ERP44: variants seen among roughly 807,000 people sequenced by gnomAD.
The protein encoded by ERP44 is endoplasmic reticulum resident protein 44.
In ERP44, 25 loss-of-function variants were observed where a neutral mutation model predicts 53.4. That is an observed-to-expected ratio of 0.47 (90% CI 0.34 to 0.65). ERP44 has a LOEUF of 0.65. Among genes scored for constraint, ERP44 ranks in the 30% least tolerant of loss-of-function variants. The pLI, the probability that ERP44 is intolerant of heterozygous loss-of-function variation, is 0.01. For synonymous variants in ERP44, 145 were observed against 161.2 expected (o/e 0.90, Z 0.76); for missense variants, 338 against 493.2 (o/e 0.69, Z 2.98).
chr9:100,015,040 CTT>C (rs1412787584), intron 8 of ERP44, among the ~76,000 whole-genome samples: 3 of 152,118 alleles, frequency 2.0e-5, no homozygotes, highest in African/African-American at 7.2e-5. Context: ...TCTGAGGTCT[CTT>C]TTATGAGTTC....
At chr9:99,984,314 T>C (rs947677107) in intron 11 of ERP44, among the ~76,000 whole-genome samples, 2 of 152,102 alleles carry the variant, frequency 1.3e-5, no homozygotes, top group African/African-American at 4.8e-5. Context: ...ATAGAAATCA[T>C]AATCTATCAA....
At chr9:100,002,249 T>C (rs1420144475) in intron 10 of ERP44, among the ~76,000 whole-genome samples, 1 of 152,198 alleles carries the variant, frequency 6.6e-6, no homozygotes, top group African/African-American at 2.4e-5. Context: ...ATTATTTTAA[T>C]AGTTCTGTCT....
intron 10 of ERP44, among the ~76,000 whole-genome samples, chr9:99,991,422 T>A (rs1830253165): frequency 6.6e-6 from 1 of 152,150 alleles, no homozygotes; most frequent in Admixed American, 6.6e-5. Context: ...GACTACTGGG[T>A]AAATCACAAA....
chr9:100,005,603 T>C (rs1367030189), intron 10 of ERP44, among the ~76,000 whole-genome samples: 1 of 152,180 alleles, frequency 6.6e-6, no homozygotes, highest in Non-Finnish European at 1.5e-5. Context: ...ATTTTTTATA[T>C]ACGAAGAAAC....
intron 1 of ERP44, among the ~76,000 whole-genome samples, chr9:100,075,826 C>T (rs956543687): frequency 1.3e-5 from 2 of 152,134 alleles, no homozygotes; most frequent in African/African-American, 2.4e-5. Flanking sequence ...GCCCATTTAT[C>T]GAGTGACTCA....
intron 7 of ERP44, among the ~76,000 whole-genome samples, chr9:100,017,543 T>C (rs966171044): frequency 3.3e-5 from 5 of 152,210 alleles, no homozygotes; most frequent in African/African-American, 1.2e-4. Flanking sequence ...CAAAATAGAA[T>C]ATGAACTTTC....
chr9:99,990,354 A>C (rs1179193960), intron 10 of ERP44, among the ~76,000 whole-genome samples: 2 of 152,348 alleles, frequency 1.3e-5, no homozygotes, highest in South Asian at 4.1e-4. Context: ...AGTAGGGGCC[A>C]ATATTCAACA....
chr9:100,067,806 C>G (rs935105782), intron 1 of ERP44, among the ~76,000 whole-genome samples: 5 of 152,048 alleles, frequency 3.3e-5, no homozygotes, highest in African/African-American at 1.2e-4. Context: ...GCCCAGCCGC[C>G]CATCGTCTGA....
chr9:100,058,766 TAA>T (rs1037242181), intron 2 of ERP44, among the ~76,000 whole-genome samples: 1 of 152,206 alleles, frequency 6.6e-6, no homozygotes, highest in Non-Finnish European at 1.5e-5. Flanking sequence ...CAGAGAAACG[TAA>T]AGTCCTCAAG....
At chr9:100,065,573 C>G (rs1166401205) in intron 1 of ERP44, among the ~76,000 whole-genome samples, 2 of 152,194 alleles carry the variant, frequency 1.3e-5, no homozygotes, top group Non-Finnish European at 2.9e-5. Context: ...CAAAATATCT[C>G]ATTGTACATC....
rs553385447 is a variant in ERP44, at chr9:99,992,650, T to A, written c.1017-7581A>T. 2.8e-3 allele frequency among the ~76,000 whole-genome samples: 429 copies of A among 152,302 alleles called. 3 individuals carry two copies. Among genetic ancestry groups the A allele is most frequent in the African/African-American group, 9.7e-3 (404 of 41,544 alleles). The stretch of plus-strand genomic sequence containing the variant: ...CTCACCACTCCTATTCAACATAGTG[T>A]TGGAAGTTCTGGCCACGGCAATCAG... On this transcript the variant is annotated intron_variant, in intron 10 of 11. Coordinates refer to ENST00000262455, the MANE Select transcript of ERP44 (RefSeq NM_015051.3).
chr9:100,093,808 C>T (rs191793005), intron 1 of ERP44, among the ~76,000 whole-genome samples: 44 of 152,288 alleles, frequency 2.9e-4, no homozygotes, highest in Middle Eastern at 3.4e-3. Context: ...ATATTAAAGA[C>T]AGGCAAATTA....
rs750894626 is a variant in ERP44, at chr9:100,016,401, G to C, written c.683C>G (p.Thr228Arg). ...APDMVYLGAM[T>R]NFDVTYNWIQ... ...CCAATTGTAAGTCACATCAAAATTT[G>C]TCATAGCTCCCAAGTACACCATATC... is the stretch of plus-strand genomic sequence containing the variant. The change falls in exon 8 of 12, where the codon ACA becomes AGA. Residue 228 changes from threonine (T) to arginine (R), a missense_variant. Thr to Arg is a moderately conservative substitution (Grantham distance 71, BLOSUM62 -1). This residue lies in a region of ERP44 where 224 missense variants were observed against 301.4 expected (regional missense o/e 0.74). Transcript: ENST00000262455. 6.2e-7 allele frequency: 1 copy of C among 1,611,638 alleles called. No homozygotes were observed. Among genetic ancestry groups the C allele is most frequent in the Non-Finnish European group, 8.5e-7 (1 of 1,179,228 alleles).
At chr9:100,065,865 T>TA in intron 1 of ERP44, among the ~76,000 whole-genome samples, 1 of 152,368 alleles carries the variant, frequency 6.6e-6, no homozygotes, top group Admixed American at 6.5e-5. Flanking sequence ...ACGCATTAGC[T>TA]AGGTGTCAAG....
At chr9:100,001,776 T>C (rs992139608) in intron 10 of ERP44, among the ~76,000 whole-genome samples, 2 of 152,166 alleles carry the variant, frequency 1.3e-5, no homozygotes, top group Non-Finnish European at 2.9e-5. Context: ...ATTCAGCCAG[T>C]CTCTGTCTTT....
At chr9:100,078,506 G>T (rs1826384124) in intron 1 of ERP44, among the ~76,000 whole-genome samples, 1 of 143,948 alleles carries the variant, frequency 6.9e-6, no homozygotes, top group Non-Finnish European at 1.5e-5. Context: ...TGTAATCCCA[G>T]CACTTTGGGA....
intron 1 of ERP44, among the ~76,000 whole-genome samples, chr9:100,074,417 T>C (rs1439760627): frequency 2.0e-5 from 3 of 152,140 alleles, no homozygotes; most frequent in African/African-American, 7.2e-5. Context: ...TTCCTAGGAG[T>C]GAAATTGATA....
chr9:99,994,732 T>C (rs1361706364), intron 10 of ERP44, among the ~76,000 whole-genome samples: 1 of 152,224 alleles, frequency 6.6e-6, no homozygotes, highest in Non-Finnish European at 1.5e-5. Context: ...TACCTACTCT[T>C]TCACCTATAC....
intron 2 of ERP44, among the ~76,000 whole-genome samples, chr9:100,058,592 C>A (rs754673736): frequency 3.3e-5 from 5 of 152,188 alleles, no homozygotes; most frequent in Non-Finnish European, 7.3e-5. Context: ...ACATATACCA[C>A]CTAGTTGCAA....
Sources: allele counts gnomAD v4.1 joint callset (sites outside exome capture counted in the v4.1 genomes callset), GRCh38; gene constraint gnomAD v4.1.1; regional missense constraint gnomAD v4.1.1; transcripts MANE v1.5; gene names NCBI Gene and HGNC (gene_info 2026-07-23, HGNC 2026-07-21).